Variants in RCN1 observed in about 807,000 individuals in gnomAD.
RCN1 encodes the protein reticulocalbin-1.
RCN1 carries 14 observed loss-of-function variants against 34.7 expected under a neutral mutation model. The observed-to-expected ratio is 0.40, with a 90% CI of 0.27 to 0.63. The LOEUF (loss-of-function observed/expected upper bound fraction) is 0.63. RCN1 is among the 30% of genes least tolerant of loss of function. RCN1 has a pLI of 0.37. For missense variants in RCN1, 326 were observed against 425.1 expected, an observed-to-expected ratio of 0.77 and a Z score of 2.05; for synonymous variants, 125 against 165.5, an observed-to-expected ratio of 0.76 and a Z score of 1.88.
rs1052387170 is a variant in RCN1, at chr11:32,104,956, A to C, written c.*484A>C. ...GGTAAGCTTATTTCAGAACAAGTCT[A>C]ATATTTCAGATTCTTTCTTTTCGAC... On this transcript the variant is annotated 3_prime_UTR_variant, in exon 6 of 6. Coordinates refer to ENST00000054950, the MANE Select transcript of RCN1 (RefSeq NM_002901.4). 5.9e-6 allele frequency: 1 copy of C among 169,586 alleles called. No individual in the cohort carries two copies. The highest frequency in any genetic ancestry group is 2.4e-5 in the African/African-American group (1 of 41,490). The allele number at this position is 169,586 out of a possible 1,614,324, so 10.5% of individuals were successfully genotyped here.
chr11:32,104,638 G>A lies in RCN1; in HGVS notation c.*166G>A. On this transcript the variant is annotated 3_prime_UTR_variant, in exon 6 of 6. Transcript: ENST00000054950. ...TTCGCTCAGTATTTACTGGAAAATG[G>A]ACATCACTAGTCTTTCAGTAAGATT... The A allele has an allele frequency of 3.8e-6, 2 of 531,774 alleles. No individual in the cohort carries two copies. Among genetic ancestry groups the A allele is most frequent in the South Asian group, 5.6e-5 (2 of 35,404 alleles). The allele number at this position is 531,774 out of a possible 1,614,324, so 32.9% of individuals were successfully genotyped here. A position where few individuals can be genotyped will look rare whatever the true frequency, so the allele number is the denominator to read the frequency against.
intron 1 of RCN1, chr11:32,091,805 G>A: frequency 3.4e-6 from 1 of 291,940 alleles, no homozygotes; most frequent in East Asian, 8.8e-5. Flanking sequence ...TGGCCTGTTA[G>A]TGCCATGAGT....
intron 1 of RCN1, among the ~76,000 whole-genome samples, chr11:32,095,446 C>T (rs1029592941): frequency 7.9e-5 from 12 of 151,808 alleles, no homozygotes; most frequent in Admixed American, 4.6e-4. Context: ...CTTGCCCTGT[C>T]GCCCAGGCTG....
At chr11:32,094,824 G>GGGGATCCA (rs1366786274) in intron 1 of RCN1, among the ~76,000 whole-genome samples, 1 of 152,198 alleles carries the variant, frequency 6.6e-6, no homozygotes, top group Non-Finnish European at 1.5e-5. Flanking sequence ...GAGGCAGGAC[G>GGGGATCCA]GGGATCCAGG....
Position 32,093,293 on chromosome 11 carries a change from G to C in RCN1, c.254+1843G>C, listed in dbSNP as rs200751808. Among the ~76,000 whole-genome samples the C allele has an allele frequency of 9.8e-5, 15 of 152,312 alleles. No individual in the cohort carries two copies. In the East Asian group the frequency reaches 2.5e-3, roughly 25 times the overall value. ...TCATTTATTCATGCAACAAACATTT[G>C]AATGGCTACTGTGTACCAGGCCCCA... On this transcript the variant is annotated intron_variant, in intron 1 of 5. Coordinates refer to ENST00000054950, the MANE Select transcript of RCN1 (RefSeq NM_002901.4).
At position 32,098,470 on chromosome 11, in the gene RCN1, A is replaced by G. The variant is rs1439166172; in HGVS notation, c.569A>G (p.Glu190Gly). ...GGTGACCTGACAGCTACTCGGGAGG[A>G]GTTCACTGCCTTTCTGCATCCTGAA... is the stretch of plus-strand genomic sequence containing the variant. ...LNGDLTATRE[E>G]FTAFLHPEEF... Residue 190 changes from glutamate (E) to glycine (G), a missense_variant, in exon 3 of 6, where the codon GAG (glutamate) becomes GGG (glycine). Transcript: ENST00000054950. 1.9e-6 allele frequency: 3 copies of G among 1,614,094 alleles called. No homozygotes were observed. The Admixed American group carries it at 5.0e-5, about 27-fold the overall frequency.
At position 32,098,534 on chromosome 11, in the gene RCN1, A is replaced by G. The variant is rs771970472; in HGVS notation, c.627+6A>G. 2.5e-6 allele frequency: 4 copies of G among 1,605,360 alleles called. No individual in the cohort carries two copies. Among genetic ancestry groups the G allele is most frequent in the Non-Finnish European group, 3.4e-6 (4 of 1,176,252 alleles). ...TGAAGGAAATTGTGGTTTTGGTAAG[A>G]TAAGTGAAGAGTCTGGGCTGGGAAG... On this transcript the variant is annotated splice_donor_region_variant and intron_variant, in intron 3 of 5. Coordinates refer to ENST00000054950, the MANE Select transcript of RCN1 (RefSeq NM_002901.4).
In RCN1 at chr11:32,091,249, T is replaced by C. The variant is rs1263036092; in HGVS notation, c.53T>C (p.Leu18Pro). 1 of 1,533,546 alleles carries C rather than the reference T, an allele frequency of 6.5e-7. No homozygotes were observed. Among genetic ancestry groups the C allele is most frequent in the Non-Finnish European group, 8.8e-7 (1 of 1,140,486 alleles). 95.0% of individuals were successfully genotyped at this position (1,533,546 alleles called of 1,614,324 possible). A position where few individuals can be genotyped will look rare whatever the true frequency, so the allele number is the denominator to read the frequency against. ...CTGGGGTTAGCCCTGGGGCTGCTGC[T>C]GGCGCTGGTGCTGGCGCCGCGGGTT... is the stretch of plus-strand genomic sequence containing the variant. ...RRLGLALGLL[L>P]ALVLAPRVLR... The change falls in exon 1 of 6, where the codon CTG (leucine) becomes CCG (proline). Residue 18 changes from leucine (L) to proline (P), a missense_variant. Physicochemically the swap from Leu to Pro is moderately conservative, Grantham distance 98. Coordinates refer to ENST00000054950, the MANE Select transcript of RCN1 (RefSeq NM_002901.4).
intron 1 of RCN1, among the ~76,000 whole-genome samples, chr11:32,092,163 C>G (rs187813014): frequency 6.6e-6 from 1 of 151,792 alleles, no homozygotes. Context: ...AAAAATTAGC[C>G]GGGCGTCGTG....
At chr11:32,092,466 G>A (rs1413054042) in intron 1 of RCN1, among the ~76,000 whole-genome samples, 1 of 152,138 alleles carries the variant, frequency 6.6e-6, no homozygotes, top group Non-Finnish European at 1.5e-5. Context: ...GAAGCACTCA[G>A]TTCTTTGGCA....
At chr11:32,091,597 G>A (rs1215677316) in intron 1 of RCN1, 147 bp downstream of exon 1, 4 of 1,059,618 alleles carry the variant, frequency 3.8e-6, no homozygotes, top group Non-Finnish European at 5.2e-6. Context: ...TCGGCGCTGG[G>A]GCTCAGGCTA....
At chr11:32,095,024 A>T (rs758325961) in intron 1 of RCN1, among the ~76,000 whole-genome samples, 1 of 152,212 alleles carries the variant, frequency 6.6e-6, no homozygotes, top group Non-Finnish European at 1.5e-5. Flanking sequence ...TGTCCTTTCC[A>T]CAAAAGAGGA....
Position 32,104,935 on chromosome 11 carries a change from A to G in RCN1, c.*463A>G, listed in dbSNP as rs1383413622. 2 of 172,304 alleles carry G rather than the reference A, an allele frequency of 1.2e-5. No individual in the cohort carries two copies. The highest frequency in any genetic ancestry group is 4.8e-5 in the African/African-American group (2 of 41,492). The allele number at this position is 172,304 out of a possible 1,614,324, so 10.7% of individuals were successfully genotyped here. On this transcript the variant is annotated 3_prime_UTR_variant, in exon 6 of 6. Transcript: ENST00000054950. ...AGCGAAAGTGGTATCATCCTAGGTAAGCTTATTTCAGAACAAGTCTAATAT... is the reference window on the plus strand; with the variant it reads ...AGCGAAAGTGGTATCATCCTAGGTAGGCTTATTTCAGAACAAGTCTAATAT...
At position 32,103,550 on chromosome 11, in the gene RCN1, T is replaced by G. The variant is rs1285848697; in HGVS notation, c.888+70T>G. 5.8e-6 allele frequency: 8 copies of G among 1,388,626 alleles called. No homozygotes were observed. The African/African-American group carries it at 1.1e-4, about 20-fold the overall frequency. 86.0% of individuals were successfully genotyped at this position (1,388,626 alleles called of 1,614,324 possible). ...TACATAAGATCGGTTTTGTTTGCTT[T>G]TTCGGCGATAGCATTGACCCATGTG... On this transcript the variant is annotated intron_variant, in intron 5 of 5. Coordinates refer to ENST00000054950, the MANE Select transcript of RCN1 (RefSeq NM_002901.4).
At position 32,092,163 on chromosome 11, in the gene RCN1, C is replaced by T. The variant is rs187813014; in HGVS notation, c.254+713C>T. Among the ~76,000 whole-genome samples the T allele has an allele frequency of 2.1e-3, 324 of 151,910 alleles. 3 individuals carry two copies. The South Asian group carries it at 0.022, about 10-fold the overall frequency. On this transcript the variant is annotated intron_variant, in intron 1 of 5. Coordinates refer to ENST00000054950, the MANE Select transcript of RCN1 (RefSeq NM_002901.4). ...CTCTACTAAAAATACAAAAATTAGC[C>T]GGGCGTCGTGGCACACGCCTGTAAT...
intron 2 of RCN1, among the ~76,000 whole-genome samples, 157 bp downstream of exon 2, chr11:32,097,494 A>G (rs1851986817): frequency 6.6e-6 from 1 of 152,146 alleles, no homozygotes; most frequent in Admixed American, 6.5e-5. Flanking sequence ...TAAACTCAGA[A>G]TGTACTGAGT....
chr11:32,097,413 T>C lies in RCN1; in HGVS notation c.448+76T>C, dbSNP rs569755807. The stretch of plus-strand genomic sequence containing the variant: ...TTTTTGTAGACTCTCTCTTCTCTTA[T>C]CATATCCACTCCCTTCAGGGAGATG... On this transcript the variant is annotated intron_variant, in intron 2 of 5. Transcript: ENST00000054950. 5 of 1,045,852 alleles carry C rather than the reference T, an allele frequency of 4.8e-6. No homozygotes were observed. In the East Asian group the frequency reaches 8.3e-5, roughly 17 times the overall value. The allele number at this position is 1,045,852 out of a possible 1,614,324, so 64.8% of individuals were successfully genotyped here.
intron 3 of RCN1, 70 bp downstream of exon 3, chr11:32,098,598 C>G: frequency 4.1e-6 from 5 of 1,232,796 alleles, no homozygotes; most frequent in Non-Finnish European, 5.6e-6. Context: ...TTGTCTCTTC[C>G]AAAGAGAGAA....
At position 32,105,591 on chromosome 11, in the gene RCN1, A is replaced by T. The variant is rs932246978; in HGVS notation, c.*1119A>T. The T allele has an allele frequency of 4.6e-5, 7 of 152,232 alleles. No homozygotes were observed. Among genetic ancestry groups the T allele is most frequent in the African/African-American group, 1.4e-4 (6 of 41,460 alleles). 9.4% of individuals were successfully genotyped at this position (152,232 alleles called of 1,614,324 possible). A position where few individuals can be genotyped will look rare whatever the true frequency, so the allele number is the denominator to read the frequency against. On this transcript the variant is annotated 3_prime_UTR_variant, in exon 6 of 6. Transcript: ENST00000054950. ...AGATGCTATTTGTGACATTATTCAT[A>T]TAGCATAAAACAGTGGGGTTGGATC...
Sources: allele counts gnomAD v4.1 joint callset (sites outside exome capture counted in the v4.1 genomes callset), GRCh38; gene constraint gnomAD v4.1.1; transcripts MANE v1.5; gene names NCBI Gene and HGNC (gene_info 2026-07-23, HGNC 2026-07-21).